Variants in SAMD12 observed in about 807,000 individuals in gnomAD.
The protein encoded by SAMD12 is sterile alpha motif domain-containing protein 12.
A neutral mutation model predicts 15.0 loss-of-function variants in SAMD12; 9 were observed. That is an observed-to-expected ratio of 0.60 (90% CI 0.36 to 1.05). The LOEUF is 1.05. Ranked by LOEUF, SAMD12 falls within the 50% of genes least tolerant of loss-of-function variation. The pLI is 0.01. For synonymous variants in SAMD12, 86 were observed against 90.1 expected, an observed-to-expected ratio of 0.96 and a Z score of 0.25; for missense variants, 230 against 234.2, an observed-to-expected ratio of 0.98 and a Z score of 0.12.
At chr8:118,477,736 C>T (rs112536912) in intron 2 of SAMD12, among the ~76,000 whole-genome samples, 6 of 152,060 alleles carry the variant, frequency 3.9e-5, no homozygotes, top group South Asian at 2.1e-4. Context: ...GGGAACTGGC[C>T]GGGCGCGGTG....
intron 2 of SAMD12, among the ~76,000 whole-genome samples, chr8:118,481,320 A>G (rs934750646): frequency 6.6e-6 from 1 of 152,196 alleles, no homozygotes; most frequent in Non-Finnish European, 1.5e-5. Flanking sequence ...ACATGAAAAC[A>G]CAGGCCATCT....
At chr8:118,364,546 T>C (rs529813735) in intron 4 of SAMD12, among the ~76,000 whole-genome samples, 1 of 152,226 alleles carries the variant, frequency 6.6e-6, no homozygotes, top group East Asian at 1.9e-4. Flanking sequence ...CTGCGTGGAG[T>C]GCTGTGGGCT....
intron 1 of SAMD12, among the ~76,000 whole-genome samples, chr8:118,607,419 A>G (rs1586853237): frequency 6.6e-6 from 1 of 152,240 alleles, no homozygotes; most frequent in Non-Finnish European, 1.5e-5. Context: ...TATTTTTAGT[A>G]GAGACGGGGT....
chr8:118,350,287 C>G (rs1190725627), intron 4 of SAMD12, among the ~76,000 whole-genome samples: 2 of 152,196 alleles, frequency 1.3e-5, no homozygotes, highest in Admixed American at 1.3e-4. Flanking sequence ...ACTTCCTCTT[C>G]TAGCTGCTTC....
intron 3 of SAMD12, among the ~76,000 whole-genome samples, chr8:118,410,288 G>C (rs112169738): frequency 0.012 from 1,815 of 152,218 alleles, 35 homozygotes; most frequent in African/African-American, 0.041. Context: ...ATTTCTCACT[G>C]ACTACAAAGG....
At chr8:118,366,294 C>G (rs139338998) in intron 4 of SAMD12, among the ~76,000 whole-genome samples, 73 of 152,306 alleles carry the variant, frequency 4.8e-4, no homozygotes, top group Non-Finnish European at 7.8e-4. Flanking sequence ...GGATACCCTT[C>G]CTATATGACA....
At chr8:118,575,836 C>G (rs1028649166) in intron 2 of SAMD12, among the ~76,000 whole-genome samples, 2 of 152,208 alleles carry the variant, frequency 1.3e-5, no homozygotes, top group African/African-American at 4.8e-5. Context: ...GTTTAGGCCA[C>G]TTGTGAGGAC....
At chr8:118,323,115 G>A (rs1327069659) in intron 4 of SAMD12, among the ~76,000 whole-genome samples, 1 of 152,190 alleles carries the variant, frequency 6.6e-6, no homozygotes, top group African/African-American at 2.4e-5. Flanking sequence ...AGAGATGGTA[G>A]AGCTGCTGTC....
At chr8:118,569,840 T>C (rs961015650) in intron 2 of SAMD12, among the ~76,000 whole-genome samples, 2 of 152,238 alleles carry the variant, frequency 1.3e-5, no homozygotes, top group African/African-American at 4.8e-5. Flanking sequence ...CAGTAATTTG[T>C]TACAGCAGCT....
intron 4 of SAMD12, chr8:118,197,762 A>C (rs1438539238): frequency 1.2e-6 from 2 of 1,606,886 alleles, no homozygotes; most frequent in Non-Finnish European, 1.7e-6. Context: ...GAAATATGGT[A>C]AGTTCTTTCC....
At chr8:118,326,330 G>T (rs1816562561) in intron 4 of SAMD12, among the ~76,000 whole-genome samples, 2 of 152,204 alleles carry the variant, frequency 1.3e-5, no homozygotes, top group Admixed American at 6.5e-5. Flanking sequence ...GTAGTGAAAT[G>T]TCACCTCCTA....
chr8:118,375,716 T>G (rs1194366652), downstream of SAMD12: 1 of 152,148 alleles, frequency 6.6e-6, no homozygotes, highest in Non-Finnish European at 1.5e-5. Flanking sequence ...TTTAAAAATT[T>G]TATTCCTTTA....
At chr8:118,421,693 T>G (rs1822004418) in intron 3 of SAMD12, among the ~76,000 whole-genome samples, 1 of 152,218 alleles carries the variant, frequency 6.6e-6, no homozygotes, top group Non-Finnish European at 1.5e-5. Flanking sequence ...GCTTTTTAGA[T>G]AAAGGATATT....
intron 3 of SAMD12, among the ~76,000 whole-genome samples, chr8:118,416,213 G>T (rs1199082406): frequency 7.2e-5 from 11 of 152,164 alleles, no homozygotes; most frequent in Admixed American, 7.2e-4. Flanking sequence ...GCTGGATGTA[G>T]AGGAAAACAG....
chr8:118,533,293 T>C (rs1414681460), intron 2 of SAMD12, among the ~76,000 whole-genome samples: 1 of 152,268 alleles, frequency 6.6e-6, no homozygotes, highest in African/African-American at 2.4e-5. Flanking sequence ...GATTGCACTA[T>C]GGTCTGAGAG....
chr8:118,554,440 A>T (rs1237223295), intron 2 of SAMD12, among the ~76,000 whole-genome samples: 1 of 151,254 alleles, frequency 6.6e-6, no homozygotes, highest in Non-Finnish European at 1.5e-5. Flanking sequence ...AGAACAAAAA[A>T]CCAAACACCG....
chr8:118,608,482 C>T (rs763091444), intron 1 of SAMD12, among the ~76,000 whole-genome samples: 1 of 151,954 alleles, frequency 6.6e-6, no homozygotes, highest in Admixed American at 6.6e-5. Flanking sequence ...TAGACGTGTA[C>T]GTAGAAGGAT....
intron 4 of SAMD12, among the ~76,000 whole-genome samples, chr8:118,317,312 A>G (rs1223281298): frequency 6.6e-6 from 1 of 152,222 alleles, no homozygotes; most frequent in Non-Finnish European, 1.5e-5. Flanking sequence ...ATGTGTCACC[A>G]GAGATGCATA....
Position 118,208,809 on chromosome 8 carries a change from G to C in SAMD12, c.434-11077C>G, listed in dbSNP as rs74425534. 7.5e-3 allele frequency among the ~76,000 whole-genome samples: 1,137 copies of C among 152,292 alleles called. 20 individuals carry two copies. Among genetic ancestry groups the C allele is most frequent in the African/African-American group, 0.026 (1,080 of 41,568 alleles). Reference sequence around the variant, plus strand: ...GACAGCAATTTAATAAAAAAATAAAGTTTAGAGAGAAGAAACCTAAACAGC... The same window carrying C: ...GACAGCAATTTAATAAAAAAATAAACTTTAGAGAGAAGAAACCTAAACAGC... On this transcript the variant is annotated intron_variant, in intron 4 of 4. Coordinates refer to the SAMD12 transcript ENST00000409003.
Sources: gnomAD v4.1 joint callset for allele counts (sites outside exome capture counted in the v4.1 genomes callset) on GRCh38, gnomAD v4.1.1 for gene constraint, MANE v1.5 for transcripts, NCBI Gene and HGNC (gene_info 2026-07-23, HGNC 2026-07-21) for gene names.